Variants in CCSER1 observed in about 807,000 individuals in gnomAD.
The protein encoded by CCSER1 is serine-rich coiled-coil domain-containing protein 1.
Under a neutral mutation model 82.0 loss-of-function variants are expected in CCSER1, and 41 were observed. The ratio of observed to expected loss-of-function variants is 0.50; its 90% CI spans 0.39 to 0.65. The LOEUF (loss-of-function observed/expected upper bound fraction) is 0.65. Among genes scored for constraint, CCSER1 ranks in the 30% least tolerant of loss-of-function variants. CCSER1 has a pLI of 0.00. For synonymous variants in CCSER1, 414 were observed against 383.9 expected (o/e 1.08, Z -0.92); for missense variants, 1,119 against 1,064.2 (o/e 1.05, Z -0.72).
intron 4 of CCSER1, among the ~76,000 whole-genome samples, chr4:90,427,522 C>T (rs1757692516): frequency 1.3e-5 from 2 of 151,128 alleles, no homozygotes; most frequent in Non-Finnish European, 3.0e-5. Context: ...ACTACAAGGC[C>T]CTTCTATGGC....
chr4:91,107,285 C>T (rs535641350), intron 10 of CCSER1, among the ~76,000 whole-genome samples: 84 of 152,164 alleles, frequency 5.5e-4, no homozygotes, highest in South Asian at 2.9e-3. Context: ...GACAGAGCCC[C>T]GCTCTGTCAC....
intron 1 of CCSER1, among the ~76,000 whole-genome samples, chr4:90,200,664 G>C (rs760636398): frequency 6.6e-6 from 1 of 151,720 alleles, no homozygotes. Flanking sequence ...AATTTGACTT[G>C]GCAAGGGTTT....
chr4:91,393,516 G>A (rs1432823921), intron 10 of CCSER1, among the ~76,000 whole-genome samples: 2 of 151,992 alleles, frequency 1.3e-5, no homozygotes, highest in East Asian at 3.9e-4. Context: ...TTATGAAACT[G>A]AATTCAGAAA....
chr4:90,642,499 T>C (rs1726725863), intron 6 of CCSER1: 2 of 152,202 alleles, frequency 1.3e-5, no homozygotes, highest in Admixed American at 6.5e-5. Flanking sequence ...AGTTTAGATT[T>C]ACCAGTAGAT....
intron 3 of CCSER1, among the ~76,000 whole-genome samples, chr4:90,339,068 G>A (rs1469533982): frequency 6.6e-6 from 1 of 152,140 alleles, no homozygotes; most frequent in African/African-American, 2.4e-5. Context: ...TATATTTATA[G>A]CGTTTACAAG....
At chr4:90,614,476 A>G (rs1469621381) in intron 5 of CCSER1, among the ~76,000 whole-genome samples, 1 of 152,200 alleles carries the variant, frequency 6.6e-6, no homozygotes, top group Admixed American at 6.6e-5. Flanking sequence ...TGCAAAGGAA[A>G]AGTTCTTGAA....
At chr4:90,436,335 T>G (rs1758989403) in intron 4 of CCSER1, among the ~76,000 whole-genome samples, 1 of 152,192 alleles carries the variant, frequency 6.6e-6, no homozygotes, top group South Asian at 2.1e-4. Flanking sequence ...TAAATAAAAT[T>G]TAGATGCTTA....
At chr4:91,253,677 C>T (rs569634610) in intron 10 of CCSER1, among the ~76,000 whole-genome samples, 2 of 152,222 alleles carry the variant, frequency 1.3e-5, no homozygotes, top group East Asian at 1.9e-4. Flanking sequence ...CATTTATGCA[C>T]ATAGTAACTG....
intron 5 of CCSER1, among the ~76,000 whole-genome samples, chr4:90,546,954 G>A (rs1776836046): frequency 6.6e-6 from 1 of 151,980 alleles, no homozygotes; most frequent in South Asian, 2.1e-4. Flanking sequence ...AGCCTAATGA[G>A]TAAGTCCAGT....
intron 6 of CCSER1, among the ~76,000 whole-genome samples, chr4:90,659,491 C>A (rs1226738249): frequency 2.6e-5 from 4 of 152,134 alleles, no homozygotes; most frequent in Non-Finnish European, 5.9e-5. Context: ...ATTATTTTTT[C>A]ATCATCATGA....
intron 9 of CCSER1, among the ~76,000 whole-genome samples, chr4:91,018,090 TTG>T (rs1190285315): frequency 2.6e-5 from 4 of 152,124 alleles, no homozygotes; most frequent in Admixed American, 2.6e-4. Flanking sequence ...TATCAAATGA[TTG>T]TGTTTTTTTC....
At chr4:91,301,604 C>A (rs12509601) in intron 10 of CCSER1, among the ~76,000 whole-genome samples, 119,022 of 151,096 alleles carry the variant, frequency 0.79, 47,727 homozygotes, top group African/African-American at 0.95. Context: ...CTTTGTGCTC[C>A]CTTGTGGTTT....
chr4:90,306,532 A>T (rs1734315215), intron 1 of CCSER1, among the ~76,000 whole-genome samples: 1 of 152,206 alleles, frequency 6.6e-6, no homozygotes, highest in African/African-American at 2.4e-5. Context: ...TCATCCATCA[A>T]AAATCTTATA....
chr4:90,559,770 A>T (rs945050353), intron 5 of CCSER1, among the ~76,000 whole-genome samples: 3 of 141,006 alleles, frequency 2.1e-5, no homozygotes, highest in Admixed American at 1.5e-4. Flanking sequence ...AGATCGCGCC[A>T]CTGCACTCCA....
At chr4:90,774,622 T>G (rs1752659656) in intron 7 of CCSER1, among the ~76,000 whole-genome samples, 1 of 152,146 alleles carries the variant, frequency 6.6e-6, no homozygotes, top group African/African-American at 2.4e-5. Context: ...CCCTTTTTGC[T>G]AGATTGTGTC....
At chr4:91,499,016 G>A (rs1218717338) in intron 10 of CCSER1, among the ~76,000 whole-genome samples, 1 of 151,832 alleles carries the variant, frequency 6.6e-6, no homozygotes, top group African/African-American at 2.4e-5. Flanking sequence ...TGCAAACAAT[G>A]CCAAGATAAC....
At chr4:90,442,540 TTAAG>T (rs1735409648) in intron 4 of CCSER1, among the ~76,000 whole-genome samples, 2 of 152,136 alleles carry the variant, frequency 1.3e-5, no homozygotes, top group African/African-American at 4.8e-5. Context: ...TCAAATGGTA[TTAAG>T]TGTTTTGGAG....
chr4:90,221,120 C>T (rs1742066797), intron 1 of CCSER1, among the ~76,000 whole-genome samples: 1 of 152,024 alleles, frequency 6.6e-6, no homozygotes, highest in African/African-American at 2.4e-5. Context: ...CAATTTTTCA[C>T]TTAAATACTT....
At chr4:90,431,843 C>G (rs1344687361) in intron 4 of CCSER1, among the ~76,000 whole-genome samples, 2 of 152,050 alleles carry the variant, frequency 1.3e-5, no homozygotes, top group Admixed American at 6.6e-5. Flanking sequence ...TTCCCACCTC[C>G]TCAAATTTGC....
Sources: gnomAD v4.1 joint callset for allele counts (sites outside exome capture counted in the v4.1 genomes callset) on GRCh38, gnomAD v4.1.1 for gene constraint, MANE v1.5 for transcripts, NCBI Gene and HGNC (gene_info 2026-07-23, HGNC 2026-07-21) for gene names.